The following HS6ST3 variants were observed in gnomAD, a reference collection of about 807,000 sequenced individuals.
HS6ST3 encodes heparan-sulfate 6-O-sulfotransferase 3.
A neutral mutation model predicts 36.7 loss-of-function variants in HS6ST3; 12 were observed. That is an observed-to-expected ratio of 0.33 (90% CI 0.21 to 0.53). The LOEUF (loss-of-function observed/expected upper bound fraction) is 0.53. Ranked by LOEUF, HS6ST3 falls within the 20% of genes least tolerant of loss-of-function variation. The probability of loss-of-function intolerance (pLI) is 0.95; values close to 1 mark genes in which losing one functional copy is unlikely to be tolerated. For missense variants in HS6ST3, 584 were observed against 640.9 expected, an observed-to-expected ratio of 0.91 and a Z score of 0.96; for synonymous variants, 240 against 257.5, an observed-to-expected ratio of 0.93 and a Z score of 0.65.
At chr13:96,576,266 C>T (rs1276424311) in intron 1 of HS6ST3, among the ~76,000 whole-genome samples, 1 of 152,306 alleles carries the variant, frequency 6.6e-6, no homozygotes, top group African/African-American at 2.4e-5. Context: ...CCACAGCCCC[C>T]TCACTGCTGT....
intron 1 of HS6ST3, among the ~76,000 whole-genome samples, chr13:96,751,416 A>G (rs1235346572): frequency 2.0e-5 from 3 of 152,128 alleles, no homozygotes; most frequent in African/African-American, 4.8e-5. Context: ...GAGAGCCACC[A>G]GAAACTGGAA....
Position 96,090,624 on chromosome 13 carries a change from CGCCGCA to C in HS6ST3, c.-228_-223del, listed in dbSNP as rs1295205149. Among the ~76,000 whole-genome samples the C allele has an allele frequency of 2.1e-5, 3 of 146,170 alleles. No individual in the cohort carries two copies. The highest frequency in any genetic ancestry group is 2.1e-4 in the South Asian group (1 of 4,808). On this transcript the variant is annotated 5_prime_UTR_variant, in exon 1 of 2. Transcript: ENST00000376705. ...GCACCCGGGAGCGCAGGGCGCCCCA[CGCCGCA>C]GCCGCAGCCGAGCGCGCCGGCGCCC...
At chr13:96,487,635 G>A (rs1383966521) in intron 1 of HS6ST3, among the ~76,000 whole-genome samples, 1 of 151,964 alleles carries the variant, frequency 6.6e-6, no homozygotes. Context: ...ATACATACAA[G>A]GACAAAGGCC....
intron 1 of HS6ST3, among the ~76,000 whole-genome samples, chr13:96,479,805 G>C (rs995730870): frequency 6.6e-6 from 1 of 152,074 alleles, no homozygotes; most frequent in African/African-American, 2.4e-5. Flanking sequence ...TTGGGCACTC[G>C]TCCTACATGC....
At chr13:96,326,728 G>C (rs938274444) in intron 1 of HS6ST3, among the ~76,000 whole-genome samples, 2 of 151,992 alleles carry the variant, frequency 1.3e-5, no homozygotes, top group African/African-American at 4.8e-5. Context: ...GGTATTTCTA[G>C]TTCTAGATCC....
At chr13:96,701,393 A>G (rs1875280573) in intron 1 of HS6ST3, among the ~76,000 whole-genome samples, 2 of 152,196 alleles carry the variant, frequency 1.3e-5, no homozygotes, top group Admixed American at 1.3e-4. Context: ...AATCCTAATT[A>G]TGGTATTTAA....
chr13:96,522,647 T>G (rs2056098237), intron 1 of HS6ST3, among the ~76,000 whole-genome samples: 1 of 150,180 alleles, frequency 6.7e-6, no homozygotes, highest in African/African-American at 2.4e-5. Flanking sequence ...TTAAAGTCTG[T>G]TTTATCAGAG....
chr13:96,821,794 C>CA (rs1278205788), intron 1 of HS6ST3, among the ~76,000 whole-genome samples: 1 of 152,142 alleles, frequency 6.6e-6, no homozygotes, highest in East Asian at 1.9e-4. Flanking sequence ...GCAGAGTGAA[C>CA]AAAAAATCCT....
intron 1 of HS6ST3, among the ~76,000 whole-genome samples, chr13:96,482,520 T>C (rs2055894827): frequency 6.6e-6 from 1 of 152,034 alleles, no homozygotes; most frequent in African/African-American, 2.4e-5. Flanking sequence ...AGGGACTAAC[T>C]TTTTATCTGG....
At chr13:96,777,280 AC>A (rs751899543) in intron 1 of HS6ST3, among the ~76,000 whole-genome samples, 4 of 152,256 alleles carry the variant, frequency 2.6e-5, no homozygotes, top group Non-Finnish European at 5.9e-5. Context: ...GAAAACTGGC[AC>A]AAGACAAGGA....
chr13:96,806,460 A>T (rs529735336), intron 1 of HS6ST3, among the ~76,000 whole-genome samples: 1 of 152,322 alleles, frequency 6.6e-6, no homozygotes, highest in East Asian at 1.9e-4. Flanking sequence ...GCCTCTGGGA[A>T]CATGTGGAAA....
intron 1 of HS6ST3, among the ~76,000 whole-genome samples, chr13:96,807,865 CAAAAA>C (rs59485746): frequency 1.2e-5 from 1 of 86,312 alleles, no homozygotes; most frequent in Non-Finnish European, 2.3e-5. Flanking sequence ...GACTCCAACT[CAAAAA>C]AAAAAAAAAA....
At chr13:96,467,266 A>G (rs2055818721) in intron 1 of HS6ST3, among the ~76,000 whole-genome samples, 1 of 152,148 alleles carries the variant, frequency 6.6e-6, no homozygotes, top group East Asian at 1.9e-4. Context: ...CTCAAGCATT[A>G]CTATTCAATA....
intron 1 of HS6ST3, among the ~76,000 whole-genome samples, chr13:96,297,636 C>T (rs1265219203): frequency 6.6e-6 from 1 of 152,084 alleles, no homozygotes; most frequent in Non-Finnish European, 1.5e-5. Context: ...CTACCTTGCC[C>T]AATAATCTTT....
intron 1 of HS6ST3, among the ~76,000 whole-genome samples, chr13:96,785,792 G>A (rs566458688): frequency 6.6e-6 from 1 of 152,250 alleles, no homozygotes; most frequent in East Asian, 1.9e-4. Context: ...ACCTACTATG[G>A]AACCTGCACA....
intron 1 of HS6ST3, among the ~76,000 whole-genome samples, chr13:96,549,811 C>T (rs1236936665): frequency 2.0e-5 from 3 of 151,992 alleles, no homozygotes; most frequent in East Asian, 1.9e-4. Context: ...CTGCCTGAAA[C>T]GCCCTCTCAT....
chr13:96,524,935 C>T (rs893232775), intron 1 of HS6ST3, among the ~76,000 whole-genome samples: 1 of 152,164 alleles, frequency 6.6e-6, no homozygotes, highest in Non-Finnish European at 1.5e-5. Flanking sequence ...CCATCTTCTG[C>T]GTTGATCTCA....
intron 1 of HS6ST3, among the ~76,000 whole-genome samples, chr13:96,699,128 AC>A (rs2138451104): frequency 6.6e-6 from 1 of 152,294 alleles, no homozygotes; most frequent in African/African-American, 2.4e-5. Flanking sequence ...TATATGTTAG[AC>A]CTAAAACCAT....
intron 1 of HS6ST3, among the ~76,000 whole-genome samples, chr13:96,819,879 CCAGT>C (rs1409603714): frequency 6.6e-6 from 1 of 151,516 alleles, no homozygotes; most frequent in Non-Finnish European, 1.5e-5. Context: ...TGGTGACAGA[CCAGT>C]CAGTCACATG....
Sources: gnomAD v4.1 joint callset for allele counts (sites outside exome capture counted in the v4.1 genomes callset) on GRCh38, gnomAD v4.1.1 for gene constraint, MANE v1.5 for transcripts, NCBI Gene and HGNC (gene_info 2026-07-23, HGNC 2026-07-21) for gene names.